GRM3: variants seen among roughly 807,000 people sequenced by gnomAD.
GRM3 encodes glutamate metabotropic receptor 3.
GRM3 carries 26 observed loss-of-function variants against 70.5 expected under a neutral mutation model. The observed-to-expected ratio is 0.37, with a 90% confidence interval of 0.27 to 0.51. GRM3 has a LOEUF of 0.51. Ranked by LOEUF, GRM3 falls within the 20% of genes least tolerant of loss-of-function variation. GRM3 has a pLI of 0.93. For missense variants in GRM3, 859 were observed against 1,123.8 expected, an observed-to-expected ratio of 0.76 and a Z score of 3.37; for synonymous variants, 443 against 434.9, an observed-to-expected ratio of 1.02 and a Z score of -0.23.
chr7:86,796,408 TTCCATTGG>T (rs933020753), intron 3 of GRM3, among the ~76,000 whole-genome samples: 19 of 152,318 alleles, frequency 1.2e-4, no homozygotes, highest in African/African-American at 3.9e-4. Context: ...CTCTATTCTG[TTCCATTGG>T]TCCATGTGTC....
chr7:86,818,407 A>G (rs893954168), intron 3 of GRM3, among the ~76,000 whole-genome samples: 5 of 152,056 alleles, frequency 3.3e-5, no homozygotes, highest in African/African-American at 1.2e-4. Flanking sequence ...CATAGTTAAG[A>G]ACACAAGTGC....
At chr7:86,725,789 A>G (rs1795578621) in intron 1 of GRM3, among the ~76,000 whole-genome samples, 2 of 152,160 alleles carry the variant, frequency 1.3e-5, no homozygotes, top group Admixed American at 1.3e-4. Flanking sequence ...GAGTCCAAGA[A>G]TAAGGTACCA....
intron 1 of GRM3, among the ~76,000 whole-genome samples, chr7:86,695,777 G>A (rs944983396): frequency 6.6e-6 from 1 of 152,128 alleles, no homozygotes; most frequent in African/African-American, 2.4e-5. Context: ...TTTTTAAAAG[G>A]TGGCTAGCTT....
chr7:86,728,976 A>G (rs1436736578), intron 1 of GRM3, among the ~76,000 whole-genome samples: 1 of 152,198 alleles, frequency 6.6e-6, no homozygotes, highest in African/African-American at 2.4e-5. Context: ...TTCCAAGATA[A>G]GGAGTTGACA....
At chr7:86,753,264 G>A (rs1796271704) in intron 1 of GRM3, among the ~76,000 whole-genome samples, 1 of 152,024 alleles carries the variant, frequency 6.6e-6, no homozygotes, top group Admixed American at 6.6e-5. Context: ...TTGAGCTAAT[G>A]TTATGTTTTG....
chr7:86,818,888 A>T (rs1798066183), intron 3 of GRM3, among the ~76,000 whole-genome samples: 1 of 152,116 alleles, frequency 6.6e-6, no homozygotes, highest in Non-Finnish European at 1.5e-5. Context: ...CTGGACATGC[A>T]GATGTACGCT....
At chr7:86,833,549 A>G (rs1229393320) in intron 3 of GRM3, among the ~76,000 whole-genome samples, 2 of 152,204 alleles carry the variant, frequency 1.3e-5, no homozygotes. Flanking sequence ...TCAATACACT[A>G]GGGCTTCAAG....
intron 1 of GRM3, 92 bp from the exon 2 acceptor site, chr7:86,764,914 A>G (rs1796563916): frequency 3.6e-6 from 3 of 825,254 alleles, no homozygotes; most frequent in Non-Finnish European, 5.2e-6. Context: ...TGGTTTTCTG[A>G]GTCATCCCAT....
At chr7:86,669,585 TATTTTGTTTTCC>T (rs1444063373) in intron 1 of GRM3, among the ~76,000 whole-genome samples, 2 of 152,222 alleles carry the variant, frequency 1.3e-5, no homozygotes, top group African/African-American at 4.8e-5. Flanking sequence ...GTAGAAGTAT[TATTTTGTTTTCC>T]AAAAGTGCAA....
chr7:86,657,959 GTCTT>G (rs1047138809), intron 1 of GRM3, among the ~76,000 whole-genome samples: 1 of 152,176 alleles, frequency 6.6e-6, no homozygotes, highest in African/African-American at 2.4e-5. Flanking sequence ...TGTGGGAGTT[GTCTT>G]TCTTTTAAGC....
At chr7:86,655,216 T>A (rs970759669) in intron 1 of GRM3, among the ~76,000 whole-genome samples, 22 of 152,228 alleles carry the variant, frequency 1.4e-4, no homozygotes, top group African/African-American at 5.3e-4. Flanking sequence ...ATTTAGAATG[T>A]GTTTTCTTCC....
chr7:86,780,373 T>A (rs1177710120), intron 2 of GRM3, among the ~76,000 whole-genome samples: 1 of 152,194 alleles, frequency 6.6e-6, no homozygotes, highest in Non-Finnish European at 1.5e-5. Context: ...TAACATTGCA[T>A]CTGCTGGCAA....
At chr7:86,743,842 G>C (rs1267867089) in intron 1 of GRM3, among the ~76,000 whole-genome samples, 1 of 152,082 alleles carries the variant, frequency 6.6e-6, no homozygotes, top group Non-Finnish European at 1.5e-5. Context: ...TTAACTTCAA[G>C]TCTGACTCAA....
chr7:86,825,069 T>C (rs773611636), intron 3 of GRM3, among the ~76,000 whole-genome samples: 9 of 152,176 alleles, frequency 5.9e-5, no homozygotes, highest in Non-Finnish European at 1.3e-4. Context: ...AGAAAATTTT[T>C]ATTCTTTTCA....
At chr7:86,849,376 G>A (rs1458111217) in intron 4 of GRM3, among the ~76,000 whole-genome samples, 3 of 152,098 alleles carry the variant, frequency 2.0e-5, no homozygotes, top group African/African-American at 7.2e-5. Flanking sequence ...TATGCTTTCA[G>A]GATTCAAAGT....
At chr7:86,684,118 G>A (rs979641673) in intron 1 of GRM3, among the ~76,000 whole-genome samples, 3 of 151,712 alleles carry the variant, frequency 2.0e-5, no homozygotes, top group Admixed American at 1.3e-4. Flanking sequence ...CTTACCCTCC[G>A]GGAACTGCCA....
At chr7:86,808,462 T>C (rs1426895216) in intron 3 of GRM3, among the ~76,000 whole-genome samples, 1 of 151,622 alleles carries the variant, frequency 6.6e-6, no homozygotes, top group Non-Finnish European at 1.5e-5. Context: ...AACCTAGCAA[T>C]GGCCCCACCC....
chr7:86,799,159 A>C (rs984535002), intron 3 of GRM3, among the ~76,000 whole-genome samples: 1 of 151,826 alleles, frequency 6.6e-6, no homozygotes, highest in South Asian at 2.1e-4. Context: ...CTGCTCATCT[A>C]TTGTTGGTGT....
At chr7:86,656,052 A>G (rs1464667705) in intron 1 of GRM3, among the ~76,000 whole-genome samples, 1 of 152,068 alleles carries the variant, frequency 6.6e-6, no homozygotes, top group Non-Finnish European at 1.5e-5. Flanking sequence ...GATTCCTTTC[A>G]GTAGTGACTG....
Sources: allele counts gnomAD v4.1 joint callset (sites outside exome capture counted in the v4.1 genomes callset), GRCh38; gene constraint gnomAD v4.1.1; transcripts MANE v1.5; gene names NCBI Gene and HGNC (gene_info 2026-07-23, HGNC 2026-07-21).